The following UNC5C variants were observed in gnomAD, a reference collection of about 807,000 sequenced individuals.
UNC5C encodes unc-5 netrin receptor C.
Under a neutral mutation model 99.8 loss-of-function variants are expected in UNC5C, and 47 were observed. The observed-to-expected ratio is 0.47, with a 90% CI of 0.37 to 0.60. UNC5C has a LOEUF of 0.60. UNC5C is among the 20% of genes least tolerant of loss of function. The pLI, the probability that UNC5C is intolerant of heterozygous loss-of-function variation, is 0.00. For missense variants in UNC5C, 1,062 were observed against 1,165.9 expected (o/e 0.91, Z 1.30); for synonymous variants, 487 against 452.2 (o/e 1.08, Z -0.98).
intron 4 of UNC5C, among the ~76,000 whole-genome samples, chr4:95,274,854 C>T (rs752026721): frequency 1.7e-4 from 26 of 151,954 alleles, no homozygotes; most frequent in Non-Finnish European, 2.6e-4. Context: ...AGTGAAACCC[C>T]GTCTCTACTA....
intron 1 of UNC5C, among the ~76,000 whole-genome samples, chr4:95,348,075 T>A (rs75828407): frequency 0.038 from 5,806 of 151,838 alleles, 354 homozygotes; most frequent in African/African-American, 0.13. Context: ...AATCTAATAA[T>A]CTAATTAAAT....
chr4:95,479,497 T>C (rs897841564), intron 1 of UNC5C, among the ~76,000 whole-genome samples: 3 of 151,992 alleles, frequency 2.0e-5, no homozygotes, highest in Non-Finnish European at 4.4e-5. Flanking sequence ...TGGGTTATTA[T>C]TTGAGTAGAC....
At chr4:95,271,453 T>G (rs1740663038) in intron 4 of UNC5C, among the ~76,000 whole-genome samples, 1 of 152,012 alleles carries the variant, frequency 6.6e-6, no homozygotes, top group Non-Finnish European at 1.5e-5. Context: ...ATGGTCTCGA[T>G]CTCCTGACCT....
intron 4 of UNC5C, 129 bp downstream of exon 4, chr4:95,278,129 GC>G: frequency 2.8e-6 from 2 of 712,342 alleles, no homozygotes; most frequent in Non-Finnish European, 4.7e-6. Flanking sequence ...CCAGCAGCAG[GC>G]AGTTAGGACT....
chr4:95,434,814 CT>C (rs1301794335), intron 1 of UNC5C, among the ~76,000 whole-genome samples: 2 of 152,002 alleles, frequency 1.3e-5, no homozygotes, highest in Non-Finnish European at 2.9e-5. Context: ...TTTTTCTACT[CT>C]GTACACTGGA....
At chr4:95,395,707 C>G (rs1690323604) in intron 1 of UNC5C, among the ~76,000 whole-genome samples, 1 of 152,102 alleles carries the variant, frequency 6.6e-6, no homozygotes, top group African/African-American at 2.4e-5. Context: ...CCTGAGTGCC[C>G]AGGGATTTAT....
intron 1 of UNC5C, among the ~76,000 whole-genome samples, chr4:95,532,900 A>G (rs906297095): frequency 7.6e-6 from 1 of 131,060 alleles, no homozygotes; most frequent in South Asian, 2.5e-4. Context: ...GTAACTGTTT[A>G]GTAAAGCTAA....
intron 1 of UNC5C, among the ~76,000 whole-genome samples, chr4:95,376,896 CAA>C (rs1286994517): frequency 6.6e-6 from 1 of 152,130 alleles, no homozygotes; most frequent in African/African-American, 2.4e-5. Context: ...CAGCTGAGCC[CAA>C]GAGCCCCTCC....
At chr4:95,264,725 C>G (rs544244534) in intron 4 of UNC5C, among the ~76,000 whole-genome samples, 1 of 152,126 alleles carries the variant, frequency 6.6e-6, no homozygotes, top group Non-Finnish European at 1.5e-5. Context: ...GATTCCTGAT[C>G]CCCACTCTAC....
intron 3 of UNC5C, among the ~76,000 whole-genome samples, chr4:95,290,758 T>C (rs1741412756): frequency 6.6e-6 from 1 of 152,266 alleles, no homozygotes; most frequent in Non-Finnish European, 1.5e-5. Context: ...TTTGATTTTT[T>C]TCCTGTTGTT....
chr4:95,393,634 G>A (rs1745422007), intron 1 of UNC5C, among the ~76,000 whole-genome samples: 1 of 151,860 alleles, frequency 6.6e-6, no homozygotes, highest in Non-Finnish European at 1.5e-5. Context: ...TATTTCTATG[G>A]TCCAATTATC....
At chr4:95,322,073 A>T (rs1250110384) in intron 2 of UNC5C, among the ~76,000 whole-genome samples, 2 of 152,186 alleles carry the variant, frequency 1.3e-5, no homozygotes, top group African/African-American at 4.8e-5. Context: ...CCAAGGCAAT[A>T]CTCCCACTGA....
chr4:95,368,964 C>T (rs1744662210), intron 1 of UNC5C, among the ~76,000 whole-genome samples: 1 of 151,878 alleles, frequency 6.6e-6, no homozygotes, highest in Admixed American at 6.6e-5. Flanking sequence ...GCCACCCAGG[C>T]TGGAGTGCAG....
intron 3 of UNC5C, among the ~76,000 whole-genome samples, chr4:95,278,942 AT>A: frequency 6.6e-6 from 1 of 152,280 alleles, no homozygotes; most frequent in East Asian, 1.9e-4. Flanking sequence ...AAGTTCATTA[AT>A]TGCTTTTTGT....
Position 95,235,333 on chromosome 4 carries a change from T to A in UNC5C, c.1108+7096A>T, listed in dbSNP as rs184791523. Among the ~76,000 whole-genome samples, 410 of 152,322 alleles carry A rather than the reference T, an allele frequency of 2.7e-3. 1 individual carries two copies. The highest frequency in any genetic ancestry group is 9.0e-3 in the African/African-American group (373 of 41,584). On this transcript the variant is annotated intron_variant, in intron 7 of 15. Transcript: ENST00000453304. ...AGAATAGAAAGCATATAGGGTTGTTTGTTTTTTTCTTGTAAATTTGTTTGA... is the reference window on the plus strand; with the variant it reads ...AGAATAGAAAGCATATAGGGTTGTTAGTTTTTTTCTTGTAAATTTGTTTGA...
At chr4:95,233,759 A>G (rs1738997384) in intron 7 of UNC5C, among the ~76,000 whole-genome samples, 2 of 152,120 alleles carry the variant, frequency 1.3e-5, no homozygotes, top group South Asian at 4.1e-4. Context: ...AAATGGTGAA[A>G]CCCCATCTCT....
intron 14 of UNC5C, among the ~76,000 whole-genome samples, chr4:95,178,714 G>A (rs1736473749): frequency 6.6e-6 from 1 of 152,288 alleles, no homozygotes; most frequent in East Asian, 1.9e-4. Flanking sequence ...AGATAGATAG[G>A]CATGGATCTT....
At chr4:95,330,404 T>C (rs1743065015) in intron 2 of UNC5C, among the ~76,000 whole-genome samples, 1 of 152,142 alleles carries the variant, frequency 6.6e-6, no homozygotes, top group African/African-American at 2.4e-5. Flanking sequence ...TAAGTCATGA[T>C]ATCTTTTTTG....
Position 95,165,917 on chromosome 4 carries a change from G to A in UNC5C, c.*3317C>T, listed in dbSNP as rs1201455595. On this transcript the variant is annotated 3_prime_UTR_variant, in exon 16 of 16. Transcript: ENST00000453304. ...ATATGTTGTGTATGAATGAGTTGAT[G>A]TACTGGGCTCACAGTGACCTAATAT... is the stretch of plus-strand genomic sequence containing the variant. 6.6e-6 allele frequency: 1 copy of A among 152,152 alleles called. No individual in the cohort carries two copies. Among genetic ancestry groups the A allele is most frequent in the Non-Finnish European group, 1.5e-5 (1 of 68,020 alleles). 9.4% of individuals were successfully genotyped at this position (152,152 alleles called of 1,614,324 possible).
Sources: gnomAD v4.1 joint callset for allele counts (sites outside exome capture counted in the v4.1 genomes callset) on GRCh38, gnomAD v4.1.1 for gene constraint, MANE v1.5 for transcripts, NCBI Gene and HGNC (gene_info 2026-07-23, HGNC 2026-07-21) for gene names.